The following LMO1 variants were observed in gnomAD, a reference collection of about 807,000 sequenced individuals.
The protein encoded by LMO1 is rhombotin-1.
Under a neutral mutation model 18.0 loss-of-function variants are expected in LMO1, and 10 were observed. That is an observed-to-expected ratio of 0.55 (90% CI 0.34 to 0.94). LMO1 has a LOEUF of 0.94. LMO1 is among the 40% of genes least tolerant of loss of function. LMO1 has a pLI of 0.02. For missense variants in LMO1, 183 were observed against 205.7 expected (o/e 0.89, Z 0.68); for synonymous variants, 77 against 77.9 (o/e 0.99, Z 0.06).
rs377758026 is a variant in LMO1, at chr11:8,230,096, G to T, written c.239+195C>A. Among the ~76,000 whole-genome samples, 185 of 152,336 alleles carry T rather than the reference G, an allele frequency of 1.2e-3. 1 individual carries two copies. The highest frequency in any genetic ancestry group is 8.7e-3 in the South Asian group (42 of 4,828). On this transcript the variant is annotated intron_variant, in intron 2 of 3. Coordinates refer to ENST00000335790, the MANE Select transcript of LMO1 (RefSeq NM_002315.3). Reference sequence around the variant, plus strand: ...CTTGTGCTGGGTACCGAGTCCAAGGGCATAACGACCTGGGCCTTCCCCTCA... The same window carrying T: ...CTTGTGCTGGGTACCGAGTCCAAGGTCATAACGACCTGGGCCTTCCCCTCA...
chr11:8,237,962 A>C (rs1952790946), intron 1 of LMO1, among the ~76,000 whole-genome samples: 1 of 152,278 alleles, frequency 6.6e-6, no homozygotes, highest in African/African-American at 2.4e-5. Flanking sequence ...TTGGATAATC[A>C]ACATGAAGTA....
chr11:8,231,812 C>T (rs1952667420), intron 1 of LMO1, among the ~76,000 whole-genome samples: 1 of 152,154 alleles, frequency 6.6e-6, no homozygotes, highest in Admixed American at 6.5e-5. Context: ...CTCCTCACTG[C>T]CCCCAGCCCA....
chr11:8,233,666 G>A (rs1952711968), intron 1 of LMO1, among the ~76,000 whole-genome samples: 1 of 151,730 alleles, frequency 6.6e-6, no homozygotes, highest in African/African-American at 2.4e-5. Context: ...CAGGGTCCAG[G>A]CCCTCCCTCC....
chr11:8,255,803 T>C (rs1473677645), intron 1 of LMO1, among the ~76,000 whole-genome samples: 1 of 144,980 alleles, frequency 6.9e-6, no homozygotes, highest in Non-Finnish European at 1.5e-5. Context: ...TACATACAGA[T>C]AGCACAATGC....
At chr11:8,237,900 T>C (rs1286099045) in intron 1 of LMO1, among the ~76,000 whole-genome samples, 5 of 152,246 alleles carry the variant, frequency 3.3e-5, no homozygotes, top group Non-Finnish European at 5.9e-5. Flanking sequence ...TCTGCCTCAA[T>C]TTACTAACCT....
At chr11:8,264,361 C>G (rs1044764068), upstream of LMO1, among the ~76,000 whole-genome samples, 2 of 152,168 alleles carry the variant, frequency 1.3e-5, no homozygotes, top group Non-Finnish European at 2.9e-5. Flanking sequence ...AAGCTTTTCT[C>G]ATTCTACAAA....
intron 1 of LMO1, among the ~76,000 whole-genome samples, chr11:8,234,709 G>A (rs532607296): frequency 3.9e-5 from 6 of 152,106 alleles, no homozygotes; most frequent in Admixed American, 1.3e-4. Flanking sequence ...CCTCCCACAA[G>A]CCAGTGTCTC....
upstream of LMO1, among the ~76,000 whole-genome samples, chr11:8,268,185 G>C (rs906019999): frequency 6.6e-6 from 1 of 152,206 alleles, no homozygotes; most frequent in Non-Finnish European, 1.5e-5. Context: ...CGTTGGGACC[G>C]GGAGACTTCC....
chr11:8,261,956 C>T (rs1847193107), intron 1 of LMO1, among the ~76,000 whole-genome samples: 1 of 152,168 alleles, frequency 6.6e-6, no homozygotes, highest in South Asian at 2.1e-4. Flanking sequence ...AGCCACAGGT[C>T]CTCCTAGATG....
chr11:8,224,524 C>T lies in LMO1; in HGVS notation c.*92G>A, dbSNP rs1952497800. On this transcript the variant is annotated 3_prime_UTR_variant, in exon 4 of 4. Coordinates refer to ENST00000335790, the MANE Select transcript of LMO1 (RefSeq NM_002315.3). The stretch of plus-strand genomic sequence containing the variant: ...CTAATGTGGCAGGAGAGCGGCTGGC[C>T]AGCCTGCACTGGTAGAGTGGCTGGC... The T allele has an allele frequency of 5.5e-6, 4 of 732,500 alleles. No homozygotes were observed. In the East Asian group the frequency reaches 1.1e-4, roughly 20 times the overall value. 45.4% of individuals were successfully genotyped at this position (732,500 alleles called of 1,614,324 possible).
chr11:8,228,013 C>T (rs939060168), intron 2 of LMO1, among the ~76,000 whole-genome samples: 7 of 152,372 alleles, frequency 4.6e-5, no homozygotes, highest in African/African-American at 1.7e-4. Flanking sequence ...GACAAACTCA[C>T]TGTGTTACTT....
At chr11:8,232,959 C>T (rs1053673269) in intron 1 of LMO1, among the ~76,000 whole-genome samples, 2 of 152,156 alleles carry the variant, frequency 1.3e-5, no homozygotes, top group African/African-American at 2.4e-5. Flanking sequence ...CAGCACTGGT[C>T]GACAATCTCT....
At chr11:8,238,318 T>C (rs866637083) in intron 1 of LMO1, among the ~76,000 whole-genome samples, 1 of 152,342 alleles carries the variant, frequency 6.6e-6, no homozygotes, top group Non-Finnish European at 1.5e-5. Context: ...AGGTACATAC[T>C]GTATAATTTC....
intron 1 of LMO1, among the ~76,000 whole-genome samples, chr11:8,249,968 G>A (rs1846961189): frequency 6.6e-6 from 1 of 152,136 alleles, no homozygotes; most frequent in Non-Finnish European, 1.5e-5. Context: ...AACTCTTAAT[G>A]AGCTTCATTA....
intron 3 of LMO1, among the ~76,000 whole-genome samples, chr11:8,226,604 A>G (rs1298920750): frequency 6.6e-6 from 1 of 152,216 alleles, no homozygotes; most frequent in African/African-American, 2.4e-5. Context: ...AGACATTTAA[A>G]AACACATGTA....
At chr11:8,265,469 C>T (rs1847251552), upstream of LMO1, among the ~76,000 whole-genome samples, 1 of 151,282 alleles carries the variant, frequency 6.6e-6, no homozygotes, top group Admixed American at 6.6e-5. Context: ...TTTGAGAAAA[C>T]AGAAAAGCGC....
chr11:8,254,996 G>A (rs1202220179), intron 1 of LMO1, among the ~76,000 whole-genome samples: 1 of 152,182 alleles, frequency 6.6e-6, no homozygotes, highest in East Asian at 1.9e-4. Context: ...ATACATGGAA[G>A]ATGCTTGGTG....
chr11:8,246,074 C>T (rs961531313), intron 1 of LMO1, among the ~76,000 whole-genome samples: 5 of 152,146 alleles, frequency 3.3e-5, no homozygotes, highest in African/African-American at 7.2e-5. Flanking sequence ...GAGCCATCCC[C>T]GTGATCCAAT....
chr11:8,240,619 T>C (rs990603439), intron 1 of LMO1, among the ~76,000 whole-genome samples: 1 of 152,116 alleles, frequency 6.6e-6, no homozygotes, highest in Non-Finnish European at 1.5e-5. Flanking sequence ...GATGGCCATC[T>C]TCTTGCTGCA....
Sources: allele counts gnomAD v4.1 joint callset (sites outside exome capture counted in the v4.1 genomes callset), GRCh38; gene constraint gnomAD v4.1.1; transcripts MANE v1.5; gene names NCBI Gene and HGNC (gene_info 2026-07-23, HGNC 2026-07-21).